DOCK1: variants seen among roughly 807,000 people sequenced by gnomAD.
DOCK1 encodes the protein dedicator of cytokinesis protein 1.
A neutral mutation model predicts 262.7 loss-of-function variants in DOCK1; 138 were observed. That is an observed-to-expected ratio of 0.53 (90% confidence interval 0.46 to 0.61). The LOEUF (loss-of-function observed/expected upper bound fraction) is 0.61, where lower values mean the gene tolerates loss of function less well. Ranked by LOEUF, DOCK1 falls within the 20% of genes least tolerant of loss-of-function variation. The pLI is 0.00. For synonymous variants in DOCK1, 866 were observed against 867.4 expected (o/e 1.00, Z 0.03); for missense variants, 1,908 against 2,370.7 (o/e 0.80, Z 4.05).
intron 27 of DOCK1, among the ~76,000 whole-genome samples, chr10:127,188,260 GC>G (rs2056458151): frequency 6.6e-6 from 1 of 152,146 alleles, no homozygotes; most frequent in Admixed American, 6.5e-5. Context: ...AGAGCTAGTG[GC>G]CAGTTATTGT....
chr10:127,024,604 C>G, intron 14 of DOCK1, 81 bp from the exon 15 acceptor site: 1 of 1,184,474 alleles, frequency 8.4e-7, no homozygotes, highest in Non-Finnish European at 1.2e-6. Context: ...CGTACCTGTC[C>G]CCCCACATAT....
chr10:127,311,553 A>G (rs2062062719), intron 29 of DOCK1, among the ~76,000 whole-genome samples: 1 of 152,236 alleles, frequency 6.6e-6, no homozygotes, highest in Non-Finnish European at 1.5e-5. Context: ...AGGGATGTTC[A>G]GCCTATAAGC....
intron 1 of DOCK1, among the ~76,000 whole-genome samples, chr10:126,925,556 G>A (rs369481740): frequency 2.5e-4 from 38 of 152,118 alleles, no homozygotes; most frequent in African/African-American, 1.2e-4. Context: ...GCTAATTTTT[G>A]TGTTTTTAAT....
intron 22 of DOCK1, among the ~76,000 whole-genome samples, chr10:127,060,173 C>T (rs943460758): frequency 1.1e-4 from 16 of 152,022 alleles, no homozygotes; most frequent in African/African-American, 3.6e-4. Flanking sequence ...TAGAGGTTTT[C>T]GTTTTGGTTT....
intron 23 of DOCK1, among the ~76,000 whole-genome samples, chr10:127,090,501 C>T (rs545787955): frequency 1.1e-4 from 16 of 151,772 alleles, no homozygotes; most frequent in African/African-American, 2.4e-4. Context: ...TTCTTAATTG[C>T]GGTAAAATAC....
At position 127,019,725 on chromosome 10, in the gene DOCK1, G is replaced by C. The variant is rs2042278133; in HGVS notation, c.1327+890G>C. Among the ~76,000 whole-genome samples the C allele has an allele frequency of 2.6e-5, 4 of 152,148 alleles. No individual in the cohort carries two copies. In the South Asian group the frequency reaches 8.3e-4, roughly 32 times the overall value. ...GATCACGCCACTGCACTCTAGCCTGGGCGACAGATTGAGACCCTGTCTCAA... is the reference window on the plus strand; with the variant it reads ...GATCACGCCACTGCACTCTAGCCTGCGCGACAGATTGAGACCCTGTCTCAA... On this transcript the variant is annotated intron_variant, in intron 13 of 51. Coordinates refer to ENST00000623213, the MANE Select transcript of DOCK1 (RefSeq NM_001290223.2).
chr10:127,138,278 A>G (rs2050883813), intron 27 of DOCK1, among the ~76,000 whole-genome samples: 1 of 152,170 alleles, frequency 6.6e-6, no homozygotes, highest in Admixed American at 6.5e-5. Context: ...CAGTTGGTGT[A>G]TGTATTTGTG....
intron 23 of DOCK1, among the ~76,000 whole-genome samples, chr10:127,085,818 A>G (rs753603463): frequency 6.6e-5 from 10 of 152,196 alleles, no homozygotes; most frequent in Non-Finnish European, 1.5e-4. Flanking sequence ...TGAGTTCTTC[A>G]TAGAGAACAG....
chr10:126,997,519 A>G (rs1258523362), intron 7 of DOCK1, among the ~76,000 whole-genome samples: 1 of 151,938 alleles, frequency 6.6e-6, no homozygotes, highest in African/African-American at 2.4e-5. Flanking sequence ...TACACGCTAC[A>G]CTTTTAAACG....
At chr10:127,084,377 C>T (rs1719202641) in intron 23 of DOCK1, among the ~76,000 whole-genome samples, 1 of 152,196 alleles carries the variant, frequency 6.6e-6, no homozygotes, top group Non-Finnish European at 1.5e-5. Flanking sequence ...TCAATCTAAG[C>T]ATGTTGAAAA....
intron 27 of DOCK1, among the ~76,000 whole-genome samples, chr10:127,220,174 A>G (rs1004602231): frequency 6.6e-6 from 1 of 151,730 alleles, no homozygotes; most frequent in South Asian, 2.1e-4. Flanking sequence ...TTCCTAGATA[A>G]ATGGGAAGTT....
At chr10:127,214,177 T>C (rs1449607896) in intron 27 of DOCK1, among the ~76,000 whole-genome samples, 2 of 152,088 alleles carry the variant, frequency 1.3e-5, no homozygotes, top group Non-Finnish European at 2.9e-5. Context: ...AAACAGATCA[T>C]TCATACAAGA....
intron 23 of DOCK1, among the ~76,000 whole-genome samples, chr10:127,073,452 T>G (rs1481242046): frequency 6.6e-6 from 1 of 152,206 alleles, no homozygotes; most frequent in Non-Finnish European, 1.5e-5. Context: ...CAATTCACAT[T>G]AGAAAGAAGG....
chr10:127,178,805 A>G (rs2055435457), intron 27 of DOCK1, among the ~76,000 whole-genome samples: 1 of 152,192 alleles, frequency 6.6e-6, no homozygotes, highest in African/African-American at 2.4e-5. Flanking sequence ...AGGAGGGACA[A>G]GGCGTGCCTG....
chr10:127,081,568 CT>C (rs2046900400), intron 23 of DOCK1, among the ~76,000 whole-genome samples: 1 of 152,126 alleles, frequency 6.6e-6, no homozygotes, highest in Non-Finnish European at 1.5e-5. Context: ...GCTTTCATCT[CT>C]TTCCTGGTGA....
intron 29 of DOCK1, among the ~76,000 whole-genome samples, chr10:127,271,505 A>G (rs1030734504): frequency 1.3e-5 from 2 of 152,230 alleles, no homozygotes; most frequent in African/African-American, 4.8e-5. Context: ...TAATTTTTCC[A>G]TGGAACCGAA....
At chr10:127,373,738 A>G (rs1286405862) in intron 33 of DOCK1, 43 bp from the exon 34 acceptor site, 1 of 1,528,194 alleles carries the variant, frequency 6.5e-7, no homozygotes, top group Non-Finnish European at 8.9e-7. Flanking sequence ...AAAATGAAAT[A>G]CTCGCCATGC....
At chr10:127,143,153 A>T (rs1336077659) in intron 27 of DOCK1, among the ~76,000 whole-genome samples, 1 of 152,188 alleles carries the variant, frequency 6.6e-6, no homozygotes. Flanking sequence ...CTGAATCCTC[A>T]AGATAATTTA....
At chr10:127,330,384 A>G (rs2062922119) in intron 29 of DOCK1, among the ~76,000 whole-genome samples, 1 of 151,626 alleles carries the variant, frequency 6.6e-6, no homozygotes, top group South Asian at 2.1e-4. Context: ...AAACCACCTC[A>G]CACCGATTAG....
Sources: gnomAD v4.1 joint callset for allele counts (sites outside exome capture counted in the v4.1 genomes callset) on GRCh38, gnomAD v4.1.1 for gene constraint, MANE v1.5 for transcripts, NCBI Gene and HGNC (gene_info 2026-07-23, HGNC 2026-07-21) for gene names.